The following SHISA9 variants were observed in gnomAD, a reference collection of about 807,000 sequenced individuals.
SHISA9 encodes the protein shisa family member 9.
SHISA9 carries 13 observed loss-of-function variants against 38.0 expected under a neutral mutation model. The ratio of observed to expected loss-of-function variants is 0.34; its 90% CI spans 0.22 to 0.54. The LOEUF is 0.54. SHISA9 is among the 20% of genes least tolerant of loss of function. SHISA9 has a pLI of 0.91. For missense variants in SHISA9, 538 were observed against 575.8 expected (o/e 0.93, Z 0.67); for synonymous variants, 275 against 242.0 (o/e 1.14, Z -1.27).
At chr16:13,422,856 A>G in the SHISA9 span, among the ~76,000 whole-genome samples, 87 of 152,260 alleles carry the variant, frequency 5.7e-4, no homozygotes, top group Non-Finnish European at 1.0e-3. Context: ...TTGTGTCTCC[A>G]TTTCTTCATC....
At chr16:13,188,929 T>C (rs2050856206) in intron 2 of SHISA9, among the ~76,000 whole-genome samples, 1 of 152,094 alleles carries the variant, frequency 6.6e-6, no homozygotes, top group Non-Finnish European at 1.5e-5. Flanking sequence ...TAATCCAATA[T>C]GACTGGTCTC....
chr16:13,466,577 G>GT, the SHISA9 span, among the ~76,000 whole-genome samples: 2 of 152,074 alleles, frequency 1.3e-5, no homozygotes, highest in South Asian at 4.2e-4. Context: ...TGTTGTTGTT[G>GT]TTTTTTTAAA....
intron 2 of SHISA9, among the ~76,000 whole-genome samples, chr16:13,149,901 G>A (rs1180351685): frequency 6.7e-6 from 1 of 148,610 alleles, no homozygotes; most frequent in Non-Finnish European, 1.5e-5. Context: ...CTCCAGCCTG[G>A]GTGATAGAGC....
At chr16:13,322,235 G>A in the SHISA9 span, among the ~76,000 whole-genome samples, 2 of 152,218 alleles carry the variant, frequency 1.3e-5, no homozygotes, top group Non-Finnish European at 2.9e-5. Flanking sequence ...TAATAGTAAT[G>A]ATCCTAGAGT....
At chr16:13,412,417 T>G in the SHISA9 span, among the ~76,000 whole-genome samples, 1 of 152,116 alleles carries the variant, frequency 6.6e-6, no homozygotes, top group Non-Finnish European at 1.5e-5. Flanking sequence ...TTCAATTCTC[T>G]TTCTTTCTTC....
chr16:13,340,727 G>A, the SHISA9 span, among the ~76,000 whole-genome samples: 5 of 152,194 alleles, frequency 3.3e-5, no homozygotes, highest in African/African-American at 1.2e-4. Context: ...GGCCCTGCAA[G>A]GCTTTAACTC....
intron 2 of SHISA9, among the ~76,000 whole-genome samples, chr16:13,176,837 A>AC (rs1214291816): frequency 3.9e-5 from 6 of 151,982 alleles, no homozygotes; most frequent in Non-Finnish European, 8.8e-5. Context: ...CCCTCAGATC[A>AC]CCCACACCTC....
At chr16:13,382,984 C>T in the SHISA9 span, among the ~76,000 whole-genome samples, 10 of 152,294 alleles carry the variant, frequency 6.6e-5, no homozygotes, top group Admixed American at 2.6e-4. Context: ...CTTCAATCAG[C>T]AGTCACTAAG....
At chr16:12,958,958 G>C (rs2071872444) in intron 2 of SHISA9, among the ~76,000 whole-genome samples, 1 of 152,172 alleles carries the variant, frequency 6.6e-6, no homozygotes, top group Non-Finnish European at 1.5e-5. Context: ...TCCCAGCTGG[G>C]CCAGTGTGGC....
chr16:13,378,728 A>G, the SHISA9 span, among the ~76,000 whole-genome samples: 1 of 152,246 alleles, frequency 6.6e-6, no homozygotes, highest in South Asian at 2.1e-4. Flanking sequence ...AGTGTCTAGC[A>G]CAATGTATGA....
intron 2 of SHISA9, among the ~76,000 whole-genome samples, chr16:12,955,386 C>A (rs938776303): frequency 6.6e-6 from 1 of 152,134 alleles, no homozygotes; most frequent in African/African-American, 2.4e-5. Context: ...AGTCTCTGGG[C>A]AGATGTGCCT....
chr16:13,510,362 A>G, the SHISA9 span, among the ~76,000 whole-genome samples: 1 of 152,174 alleles, frequency 6.6e-6, no homozygotes, highest in African/African-American at 2.4e-5. Flanking sequence ...TAATATTCCC[A>G]AGATCACAAA....
intron 2 of SHISA9, among the ~76,000 whole-genome samples, chr16:12,959,640 C>T (rs972493953): frequency 6.6e-6 from 1 of 152,192 alleles, no homozygotes; most frequent in Non-Finnish European, 1.5e-5. Context: ...AGAACTTGAA[C>T]CTCCTTAACT....
At position 13,046,287 on chromosome 16, in the gene SHISA9, A is replaced by G. The variant is rs567921031; in HGVS notation, c.691+129472A>G. 3.3e-5 allele frequency among the ~76,000 whole-genome samples: 5 copies of G among 152,326 alleles called. No individual in the cohort carries two copies. In the East Asian group the frequency reaches 7.7e-4, roughly 24 times the overall value. On this transcript the variant is annotated intron_variant, in intron 2 of 4. Transcript: ENST00000558583. ...TTTTCTGAACCTAAATTTAGGTCCT[A>G]TATGAGCTGACAAGGGATATTTAAG...
the SHISA9 span, among the ~76,000 whole-genome samples, chr16:13,536,680 A>T: frequency 6.6e-6 from 1 of 152,264 alleles, no homozygotes; most frequent in Non-Finnish European, 1.5e-5. Flanking sequence ...GTACAAAGAC[A>T]GTAGCCATGA....
In SHISA9 at chr16:13,040,927, G is replaced by A. The variant is rs117792512; in HGVS notation, c.691+124112G>A. On this transcript the variant is annotated intron_variant, in intron 2 of 4. Coordinates refer to ENST00000558583, the MANE Select transcript of SHISA9 (RefSeq NM_001145204.3). ...TGGTGGCTCTCAGAATGGAGAGCAA[G>A]TGTGGGGTCCTGAGTCTCACCCAAG... is the stretch of plus-strand genomic sequence containing the variant. Among the ~76,000 whole-genome samples, 278 of 152,314 alleles carry A rather than the reference G, an allele frequency of 1.8e-3. 6 individuals are homozygous for A. In the East Asian group the frequency reaches 0.045, roughly 25 times the overall value.
chr16:13,238,321 G>GTGCATA lies in SHISA9; in HGVS notation c.*2913_*2918dup, dbSNP rs2051404774. On this transcript the variant is annotated 3_prime_UTR_variant, in exon 5 of 5. Transcript: ENST00000558583. ...TAGCTATGTACTGCCTATGATCATTGTGCATACACTAGGGGTGCATAGCCC... is the reference window on the plus strand; with the variant it reads ...TAGCTATGTACTGCCTATGATCATTGTGCATATGCATACACTAGGGGTGCATAGCCC... 6.6e-6 allele frequency: 1 copy of GTGCATA among 152,194 alleles called. No homozygotes were observed. The highest frequency in any genetic ancestry group is 1.5e-5 in the Non-Finnish European group (1 of 68,028). 9.4% of individuals were successfully genotyped at this position (152,194 alleles called of 1,614,324 possible).
At chr16:12,958,876 G>A (rs888091869) in intron 2 of SHISA9, among the ~76,000 whole-genome samples, 7 of 152,116 alleles carry the variant, frequency 4.6e-5, no homozygotes, top group African/African-American at 9.7e-5. Context: ...GTCTCAGCAC[G>A]TTACATCAAC....
At chr16:13,206,390 T>G (rs1268797340) in intron 3 of SHISA9, among the ~76,000 whole-genome samples, 4 of 152,136 alleles carry the variant, frequency 2.6e-5, no homozygotes, top group Non-Finnish European at 1.5e-5. Context: ...GCTGATCGAT[T>G]TCAGTATGAA....
Sources: gnomAD v4.1 joint callset for allele counts (sites outside exome capture counted in the v4.1 genomes callset) on GRCh38, gnomAD v4.1.1 for gene constraint, MANE v1.5 for transcripts, NCBI Gene and HGNC (gene_info 2026-07-23, HGNC 2026-07-21) for gene names.